The following LMO7 variants were observed in gnomAD, a reference collection of about 807,000 sequenced individuals.
LMO7 encodes the protein LIM domain only protein 7.
In LMO7, 120 loss-of-function variants were observed where a neutral mutation model predicts 206.5. The observed-to-expected ratio is 0.58, with a 90% confidence interval of 0.50 to 0.68. The LOEUF (loss-of-function observed/expected upper bound fraction) is 0.68, where lower values mean the gene tolerates loss of function less well. LMO7 is among the 30% of genes least tolerant of loss of function. The pLI, the probability that LMO7 is intolerant of heterozygous loss-of-function variation, is 0.00. For missense variants in LMO7, 1,959 were observed against 1,957.9 expected (o/e 1.00, Z -0.01); for synonymous variants, 706 against 681.5 (o/e 1.04, Z -0.56).
chr13:75,718,495 A>G (rs910034702), intron 2 of LMO7, among the ~76,000 whole-genome samples: 1 of 152,204 alleles, frequency 6.6e-6, no homozygotes, highest in African/African-American at 2.4e-5. Flanking sequence ...TTAAAAGAAC[A>G]GTTTTGGGTT....
At chr13:75,771,083 TGA>T (rs1297921139) in intron 4 of LMO7, among the ~76,000 whole-genome samples, 1 of 152,128 alleles carries the variant, frequency 6.6e-6, no homozygotes, top group Non-Finnish European at 1.5e-5. Flanking sequence ...TGTACATGAT[TGA>T]GAATGCCTTA....
intron 2 of LMO7, among the ~76,000 whole-genome samples, chr13:75,716,223 C>G (rs2043523519): frequency 2.0e-5 from 3 of 152,132 alleles, no homozygotes; most frequent in Admixed American, 2.0e-4. Context: ...TCTGAAATAT[C>G]AAAGTCAAAA....
In LMO7 at chr13:75,821,493, G is replaced by A. The variant is rs372508711; in HGVS notation, c.2524G>A (p.Ala842Thr). The change falls in exon 14 of 31, where the codon GCT (alanine) becomes ACT (threonine). Residue 842 changes from alanine to threonine, a missense_variant. Ala to Thr is a moderately conservative substitution (Grantham distance 58). Coordinates refer to ENST00000377534, the MANE Select transcript of LMO7 (RefSeq NM_001306080.2). ...STQMESTRVSASLPRSYRKTD... is the reference protein window; with the variant it reads ...STQMESTRVSTSLPRSYRKTD... ...ACAAATGGAATCAACTCGTGTTTCA[G>A]CTTCTCTCCCCAGAAGTTACCGGAA... The A allele has an allele frequency of 1.4e-5, 22 of 1,613,982 alleles. No individual in the cohort carries two copies. The highest frequency in any genetic ancestry group is 1.6e-5 in the Non-Finnish European group (19 of 1,180,000).
intron 1 of LMO7, among the ~76,000 whole-genome samples, chr13:75,642,063 G>A (rs956371993): frequency 6.6e-6 from 1 of 152,152 alleles, no homozygotes; most frequent in African/African-American, 2.4e-5. Flanking sequence ...CAAGAGATGA[G>A]GGAATTAATG....
intron 25 of LMO7, among the ~76,000 whole-genome samples, chr13:75,843,827 T>C (rs1186223856): frequency 1.3e-5 from 2 of 152,194 alleles, no homozygotes; most frequent in African/African-American, 4.8e-5. Context: ...TCTCCTTTTG[T>C]CTTACTTATT....
At chr13:75,765,362 C>T (rs2048722482) in intron 4 of LMO7, among the ~76,000 whole-genome samples, 1 of 142,104 alleles carries the variant, frequency 7.0e-6, no homozygotes, top group Non-Finnish European at 1.5e-5. Context: ...AGTTTCTCAA[C>T]ATCTTCATCT....
intron 1 of LMO7, among the ~76,000 whole-genome samples, chr13:75,709,914 G>T (rs572982263): frequency 2.0e-5 from 3 of 152,266 alleles, no homozygotes; most frequent in Admixed American, 2.0e-4. Flanking sequence ...TTTTCTTCTA[G>T]GGTTTTTATG....
chr13:75,835,393 A>G, intron 18 of LMO7, 54 bp downstream of exon 18: 4 of 1,123,072 alleles, frequency 3.6e-6, no homozygotes, highest in Non-Finnish European at 3.8e-6. Context: ...AGCTGTTAGA[A>G]TTGTGTATGG....
intron 3 of LMO7, among the ~76,000 whole-genome samples, chr13:75,743,346 A>G (rs2046572816): frequency 6.6e-6 from 1 of 152,176 alleles, no homozygotes; most frequent in Non-Finnish European, 1.5e-5. Flanking sequence ...TGACTCAGAA[A>G]TCCCATTACT....
chr13:75,695,388 G>T (rs1486562652), intron 1 of LMO7, among the ~76,000 whole-genome samples: 1 of 152,224 alleles, frequency 6.6e-6, no homozygotes, highest in African/African-American at 2.4e-5. Context: ...TTGAGACGGA[G>T]TCTCGCTCTG....
intron 3 of LMO7, among the ~76,000 whole-genome samples, chr13:75,744,799 C>T (rs939880160): frequency 1.3e-5 from 2 of 152,290 alleles, no homozygotes; most frequent in Non-Finnish European, 1.5e-5. Flanking sequence ...AGACAGAGAA[C>T]ATTTCTCCCT....
intron 4 of LMO7, among the ~76,000 whole-genome samples, chr13:75,787,736 G>A (rs1462167234): frequency 1.3e-5 from 2 of 152,164 alleles, no homozygotes; most frequent in Non-Finnish European, 2.9e-5. Flanking sequence ...AAACCAATGA[G>A]TCACACGCCT....
At chr13:75,774,561 T>C (rs2050138767) in intron 4 of LMO7, among the ~76,000 whole-genome samples, 1 of 152,176 alleles carries the variant, frequency 6.6e-6, no homozygotes, top group Non-Finnish European at 1.5e-5. Flanking sequence ...TTCTACTTAG[T>C]GCATAGTGGT....
chr13:75,722,338 C>G (rs1271924775), intron 2 of LMO7, among the ~76,000 whole-genome samples: 1 of 152,050 alleles, frequency 6.6e-6, no homozygotes, highest in African/African-American at 2.4e-5. Context: ...CTACAGGGAA[C>G]TCAAACAAAT....
chr13:75,777,806 C>T (rs1013545434), intron 4 of LMO7, among the ~76,000 whole-genome samples: 6 of 151,556 alleles, frequency 4.0e-5, no homozygotes, highest in South Asian at 2.1e-4. Flanking sequence ...CCACGACGCC[C>T]GCCTAATTTT....
upstream of LMO7, among the ~76,000 whole-genome samples, chr13:75,633,619 G>C (rs567750033): frequency 1.1e-4 from 16 of 152,222 alleles, no homozygotes; most frequent in South Asian, 1.0e-3. Flanking sequence ...TCCAAAAAAA[G>C]GGGGAGTGTG....
At chr13:75,699,718 A>T (rs1190531173) in intron 1 of LMO7, among the ~76,000 whole-genome samples, 1 of 152,244 alleles carries the variant, frequency 6.6e-6, no homozygotes, top group Non-Finnish European at 1.5e-5. Context: ...TCACAAGGCC[A>T]GGGTGAAATT....
chr13:75,666,975 T>A (rs35309322), intron 1 of LMO7, among the ~76,000 whole-genome samples: 9,176 of 152,102 alleles, frequency 0.06, 381 homozygotes, highest in Middle Eastern at 0.099. Context: ...CCTGGGAGGG[T>A]TTGAGTGTAA....
rs1391931057 is a variant in LMO7, at chr13:75,841,813, G to A, written c.3861G>A (p.Gln1287=). Residue 1287 remains glutamine, a synonymous_variant, in exon 24 of 31, where the codon CAG becomes CAA. Transcript: ENST00000377534. ...ATGAGGACCAAGGAAAGAAGCCGCA[G>A]GATCAGCTTGTTATTGAGAGAGAGA... is the stretch of plus-strand genomic sequence containing the variant. The part of the protein sequence containing the change: ...VVHEDQGKKP[Q]DQLVIERERK... 24 of 1,613,988 alleles carry A rather than the reference G, an allele frequency of 1.5e-5. No individual in the cohort carries two copies. Among genetic ancestry groups the A allele is most frequent in the South Asian group, 1.3e-4 (12 of 91,086 alleles).
Sources: allele counts gnomAD v4.1 joint callset (sites outside exome capture counted in the v4.1 genomes callset), GRCh38; gene constraint gnomAD v4.1.1; transcripts MANE v1.5; gene names NCBI Gene and HGNC (gene_info 2026-07-23, HGNC 2026-07-21).